Variants in PFDN1 observed in about 807,000 individuals in gnomAD.
PFDN1 encodes the protein prefoldin 1.
In PFDN1, 6 loss-of-function variants were observed where a neutral mutation model predicts 17.3. The ratio of observed to expected loss-of-function variants is 0.35; its 90% CI spans 0.19 to 0.69. PFDN1 has a LOEUF of 0.69. Among genes scored for constraint, PFDN1 ranks in the 30% least tolerant of loss-of-function variants. PFDN1 has a pLI of 0.65. For synonymous variants in PFDN1, 58 were observed against 50.1 expected (o/e 1.16, Z -0.67); for missense variants, 113 against 146.2 (o/e 0.77, Z 1.17).
chr5:140,285,451 G>A (rs1765472738), intron 2 of PFDN1, among the ~76,000 whole-genome samples: 3 of 151,854 alleles, frequency 2.0e-5, no homozygotes, highest in Admixed American at 2.0e-4. Flanking sequence ...GTGGAAGCAA[G>A]TAGAAATAAA....
intron 2 of PFDN1, among the ~76,000 whole-genome samples, chr5:140,294,166 C>G (rs1233751014): frequency 2.6e-5 from 4 of 152,026 alleles, no homozygotes; most frequent in Non-Finnish European, 5.9e-5. Context: ...ATGTGACTCT[C>G]ACACCAAAAG....
chr5:140,262,619 AG>A, intron 3 of PFDN1: 1 of 453,484 alleles, frequency 2.2e-6, no homozygotes, highest in South Asian at 1.6e-5. Context: ...AGTTGTTGAA[AG>A]ATATAAACAA....
intron 3 of PFDN1, among the ~76,000 whole-genome samples, chr5:140,258,385 T>C (rs182511739): frequency 1.3e-5 from 2 of 151,186 alleles, no homozygotes; most frequent in East Asian, 3.9e-4. Context: ...TTGAGCACCT[T>C]TGTCCGGTTA....
intron 3 of PFDN1, among the ~76,000 whole-genome samples, chr5:140,279,003 C>G (rs886385761): frequency 1.6e-5 from 2 of 124,978 alleles, no homozygotes; most frequent in African/African-American, 6.8e-5. Context: ...TGGTAAGGAG[C>G]CCATGATGAT....
At chr5:140,281,567 C>A (rs760432607) in intron 2 of PFDN1, 34 bp from the exon 3 acceptor site, 1 of 1,067,482 alleles carries the variant, frequency 9.4e-7, no homozygotes, top group Admixed American at 1.7e-5. Flanking sequence ...AATTAAGCCA[C>A]ATGACTATTG....
intron 3 of PFDN1, among the ~76,000 whole-genome samples, chr5:140,253,070 A>G (rs977331536): frequency 1.3e-5 from 2 of 152,238 alleles, no homozygotes; most frequent in African/African-American, 4.8e-5. Context: ...AGAAAGATAA[A>G]GCAATCTTAG....
chr5:140,268,887 C>T (rs1318036207), intron 3 of PFDN1, among the ~76,000 whole-genome samples: 1 of 152,164 alleles, frequency 6.6e-6, no homozygotes, highest in Non-Finnish European at 1.5e-5. Flanking sequence ...ATTACATGGA[C>T]ATCTCTGTGA....
At chr5:140,279,545 CG>C (rs987560102) in intron 3 of PFDN1, among the ~76,000 whole-genome samples, 11 of 151,304 alleles carry the variant, frequency 7.3e-5, no homozygotes, top group Non-Finnish European at 1.0e-4. Context: ...TGTTATGTTG[CG>C]CAGGCTGGAA....
chr5:140,300,132 G>A (rs1308197786), intron 2 of PFDN1, among the ~76,000 whole-genome samples: 2 of 152,026 alleles, frequency 1.3e-5, no homozygotes, highest in Admixed American at 6.6e-5. Context: ...CTCCACCTCC[G>A]GGGTTCAAGC....
chr5:140,286,411 CAAAAAA>C (rs70988742), intron 2 of PFDN1, among the ~76,000 whole-genome samples: 1 of 83,512 alleles, frequency 1.2e-5, no homozygotes, highest in Non-Finnish European at 2.3e-5. Flanking sequence ...GACTCTGTCT[CAAAAAA>C]AAAAAAAAAA....
At chr5:140,256,931 T>C (rs1172487942) in intron 3 of PFDN1, among the ~76,000 whole-genome samples, 1 of 152,006 alleles carries the variant, frequency 6.6e-6, no homozygotes, top group East Asian at 1.9e-4. Context: ...TCAAAAAACC[T>C]CTAATGGGCC....
intron 3 of PFDN1, among the ~76,000 whole-genome samples, chr5:140,256,658 C>CAAAAAAAAAAAAAAAAAAAAAAAAA (rs757723797): frequency 1.3e-4 from 5 of 39,896 alleles, no homozygotes; most frequent in Non-Finnish European, 1.5e-4. Context: ...CAAAAAATGA[C>CAAAAAAAAAAAAAAAAAAAAAAAAA]AAAAAAAAAA....
chr5:140,281,590 TC>T (rs1199551268), intron 2 of PFDN1, 57 bp from the exon 3 acceptor site: 17 of 829,608 alleles, frequency 2.0e-5, no homozygotes, highest in African/African-American at 3.3e-5. Flanking sequence ...TTCATCGAAA[TC>T]AATAGCTACA....
intron 2 of PFDN1, among the ~76,000 whole-genome samples, chr5:140,287,431 A>T (rs1765514812): frequency 6.6e-6 from 1 of 152,236 alleles, no homozygotes; most frequent in Admixed American, 6.5e-5. Flanking sequence ...TAGTCACCAG[A>T]GGGCCTAGAA....
chr5:140,273,097 T>G (rs1043926059), intron 3 of PFDN1, among the ~76,000 whole-genome samples: 1 of 151,934 alleles, frequency 6.6e-6, no homozygotes, highest in African/African-American at 2.4e-5. Flanking sequence ...ATACAAAAAT[T>G]AGCCGGGCAT....
intron 3 of PFDN1, among the ~76,000 whole-genome samples, chr5:140,280,003 AAAAAAAAAAACAAAAAAAG>A (rs1765367194): frequency 7.0e-6 from 1 of 142,942 alleles, no homozygotes; most frequent in African/African-American, 2.8e-5. Flanking sequence ...CTCAAAAAAA[AAAAAAAAAAACAAAAAAAG>A]AAAAGAAAAG....
chr5:140,284,303 A>C (rs1765453697), intron 2 of PFDN1, among the ~76,000 whole-genome samples: 1 of 152,246 alleles, frequency 6.6e-6, no homozygotes, highest in Admixed American at 6.5e-5. Context: ...GGGTAAATGC[A>C]AATGTCTACC....
At chr5:140,263,448 T>C (rs1765090684) in intron 3 of PFDN1, among the ~76,000 whole-genome samples, 1 of 152,238 alleles carries the variant, frequency 6.6e-6, no homozygotes. Flanking sequence ...ATGGAATTTT[T>C]ATATCCATCT....
chr5:140,278,582 A>C (rs930410859), intron 3 of PFDN1, among the ~76,000 whole-genome samples: 4 of 137,226 alleles, frequency 2.9e-5, no homozygotes, highest in African/African-American at 5.4e-5. Flanking sequence ...AAAAAAAAAA[A>C]AAAAACAAAA....
Sources: allele counts gnomAD v4.1 joint callset (sites outside exome capture counted in the v4.1 genomes callset), GRCh38; gene constraint gnomAD v4.1.1; transcripts MANE v1.5; gene names NCBI Gene and HGNC (gene_info 2026-07-23, HGNC 2026-07-21).